CNTNAP5: variants seen among roughly 807,000 people sequenced by gnomAD.
The protein encoded by CNTNAP5 is contactin associated protein family member 5.
A neutral mutation model predicts 150.2 loss-of-function variants in CNTNAP5; 72 were observed. That is an observed-to-expected ratio of 0.48 (90% confidence interval 0.40 to 0.58). CNTNAP5 has a LOEUF of 0.58. CNTNAP5 is among the 20% of genes least tolerant of loss of function. The pLI is 0.00. For missense variants in CNTNAP5, 1,636 were observed against 1,626.2 expected, an observed-to-expected ratio of 1.01 and a Z score of -0.10; for synonymous variants, 672 against 619.8, an observed-to-expected ratio of 1.08 and a Z score of -1.25.
chr2:124,263,017 T>C (rs1245291129), intron 3 of CNTNAP5, among the ~76,000 whole-genome samples: 11 of 152,284 alleles, frequency 7.2e-5, no homozygotes, highest in Middle Eastern at 3.4e-3. Context: ...CCATGGTGTA[T>C]ATGTGCCACA....
intron 22 of CNTNAP5, among the ~76,000 whole-genome samples, chr2:124,904,971 T>G (rs1202404910): frequency 6.7e-6 from 1 of 150,078 alleles, no homozygotes; most frequent in Non-Finnish European, 1.5e-5. Flanking sequence ...AAAGAAATGT[T>G]TTTAAACCAT....
chr2:124,199,234 G>C (rs1685660068), intron 1 of CNTNAP5, among the ~76,000 whole-genome samples: 1 of 151,894 alleles, frequency 6.6e-6, no homozygotes, highest in South Asian at 2.1e-4. Flanking sequence ...TCTGAGATGG[G>C]GTGTGGATTG....
intron 13 of CNTNAP5, among the ~76,000 whole-genome samples, chr2:124,713,360 T>G (rs981904574): frequency 7.2e-6 from 1 of 138,496 alleles, no homozygotes; most frequent in East Asian, 2.2e-4. Context: ...TCTTTCTTTC[T>G]TTCTTTCTTT....
chr2:124,642,296 C>CGT (rs1157138888), intron 12 of CNTNAP5, among the ~76,000 whole-genome samples: 1 of 151,842 alleles, frequency 6.6e-6, no homozygotes, highest in Non-Finnish European at 1.5e-5. Flanking sequence ...GTTGAGTGTG[C>CGT]GTGTGTGTGT....
At chr2:124,560,646 T>G (rs6760693) in intron 10 of CNTNAP5, among the ~76,000 whole-genome samples, 64,004 of 151,650 alleles carry the variant, frequency 0.42, 14,505 homozygotes, top group East Asian at 0.96. Context: ...GCTCGGACTA[T>G]CCTAATTGCA....
intron 13 of CNTNAP5, among the ~76,000 whole-genome samples, chr2:124,661,493 G>T (rs7596874): frequency 0.25 from 37,867 of 151,952 alleles, 4,970 homozygotes; most frequent in African/African-American, 0.33. Context: ...TAACATACAT[G>T]AAGCTGTTGT....
At chr2:124,431,389 G>A (rs1692374469) in intron 4 of CNTNAP5, among the ~76,000 whole-genome samples, 1 of 151,676 alleles carries the variant, frequency 6.6e-6, no homozygotes, top group Non-Finnish European at 1.5e-5. Context: ...AGGCAGCCAA[G>A]TACACTGGAG....
At chr2:124,763,443 G>T (rs914445703) in intron 14 of CNTNAP5, among the ~76,000 whole-genome samples, 8 of 152,074 alleles carry the variant, frequency 5.3e-5, no homozygotes, top group African/African-American at 1.9e-4. Context: ...ACAAGCACAC[G>T]TGGGGAAGAT....
At chr2:124,484,656 A>G (rs982721964) in intron 7 of CNTNAP5, among the ~76,000 whole-genome samples, 8 of 152,212 alleles carry the variant, frequency 5.3e-5, no homozygotes, top group Non-Finnish European at 2.9e-5. Context: ...CCCCATGAAG[A>G]CCATAGTCCT....
intron 1 of CNTNAP5, among the ~76,000 whole-genome samples, chr2:124,193,740 T>C (rs1306395093): frequency 6.6e-6 from 1 of 152,158 alleles, no homozygotes; most frequent in Non-Finnish European, 1.5e-5. Flanking sequence ...GTTTATGAAA[T>C]GTGAAGCATT....
chr2:124,191,295 G>T (rs11891838), intron 1 of CNTNAP5, among the ~76,000 whole-genome samples: 31,081 of 151,964 alleles, frequency 0.2, 3,373 homozygotes, highest in African/African-American at 0.24. Context: ...CAAAGGATGG[G>T]GATTCTCTGA....
At chr2:124,095,275 A>C (rs910185569) in intron 1 of CNTNAP5, among the ~76,000 whole-genome samples, 21 of 152,218 alleles carry the variant, frequency 1.4e-4, no homozygotes, top group African/African-American at 5.1e-4. Flanking sequence ...GTTCTCAGTC[A>C]TAAGCGGGAG....
At chr2:124,865,208 C>A in intron 19 of CNTNAP5, 98 bp from the exon 20 acceptor site, 1 of 940,554 alleles carries the variant, frequency 1.1e-6, no homozygotes, top group Non-Finnish European at 1.6e-6. Context: ...AGGATTAAGA[C>A]CTGGGGCCCT....
chr2:124,362,042 G>A (rs555190644), intron 3 of CNTNAP5, among the ~76,000 whole-genome samples: 433 of 152,310 alleles, frequency 2.8e-3, no homozygotes, highest in Non-Finnish European at 4.8e-3. Context: ...TCCGAAAAGC[G>A]CAATATTCGG....
chr2:124,786,446 G>A (rs146414864), intron 17 of CNTNAP5, among the ~76,000 whole-genome samples: 1,269 of 78,210 alleles, frequency 0.016, 24 homozygotes, highest in African/African-American at 0.05. Context: ...AAGGAAGGAA[G>A]GAAAGAAAGA....
chr2:124,617,257 T>A (rs980454258), intron 12 of CNTNAP5, among the ~76,000 whole-genome samples: 4 of 151,942 alleles, frequency 2.6e-5, no homozygotes, highest in African/African-American at 9.7e-5. Flanking sequence ...TGAAGTTCAA[T>A]AAAACAAGCT....
intron 5 of CNTNAP5, among the ~76,000 whole-genome samples, chr2:124,437,076 G>A (rs1017263022): frequency 5.9e-5 from 9 of 152,128 alleles, no homozygotes; most frequent in African/African-American, 2.2e-4. Flanking sequence ...GCTTTGCTTT[G>A]CCCATAATGG....
intron 13 of CNTNAP5, among the ~76,000 whole-genome samples, chr2:124,709,341 C>A (rs1679759335): frequency 6.6e-6 from 1 of 151,540 alleles, no homozygotes; most frequent in South Asian, 2.1e-4. Context: ...CTACAAAGAC[C>A]CATCTTGTCT....
chr2:124,862,384 C>T (rs915711585), intron 19 of CNTNAP5, among the ~76,000 whole-genome samples: 1 of 152,186 alleles, frequency 6.6e-6, no homozygotes, highest in African/African-American at 2.4e-5. Flanking sequence ...ACAACACCTT[C>T]CCTCTGACAA....
Sources: gnomAD v4.1 joint callset for allele counts (sites outside exome capture counted in the v4.1 genomes callset) on GRCh38, gnomAD v4.1.1 for gene constraint, MANE v1.5 for transcripts, NCBI Gene and HGNC (gene_info 2026-07-23, HGNC 2026-07-21) for gene names.